Variants in POLR2F observed in about 807,000 individuals in gnomAD.
POLR2F encodes the protein RNA polymerase II, I and III subunit F, also known as DNA-directed RNA polymerases I, II, and III subunit RPABC2.
POLR2F carries 12 observed loss-of-function variants against 22.7 expected under a neutral mutation model. That is an observed-to-expected ratio of 0.53 (90% CI 0.34 to 0.86). The LOEUF is 0.86. Among genes scored for constraint, POLR2F ranks in the 40% least tolerant of loss-of-function variants. POLR2F has a pLI of 0.02. For synonymous variants in POLR2F, 57 were observed against 66.0 expected, an observed-to-expected ratio of 0.86 and a Z score of 0.66; for missense variants, 126 against 171.5, an observed-to-expected ratio of 0.73 and a Z score of 1.48.
At chr22:37,960,830 G>A (rs1364412702) in intron 3 of POLR2F, among the ~76,000 whole-genome samples, 2 of 149,716 alleles carry the variant, frequency 1.3e-5, no homozygotes, top group Non-Finnish European at 3.0e-5. Flanking sequence ...ACCGTGCCCG[G>A]CCGGTGCAAT....
chr22:37,977,034 G>A (rs754968603), intron 4 of POLR2F, among the ~76,000 whole-genome samples: 2 of 151,650 alleles, frequency 1.3e-5, no homozygotes, highest in African/African-American at 4.8e-5. Flanking sequence ...CAGACGTGGC[G>A]GTGTGCACCT....
intron 5 of POLR2F, among the ~76,000 whole-genome samples, chr22:38,038,591 A>T (rs1405225542): frequency 6.6e-6 from 1 of 151,768 alleles, no homozygotes; most frequent in African/African-American, 2.4e-5. Flanking sequence ...CATGGGGTTA[A>T]ATCTCTCCCT....
chr22:38,002,961 G>A (rs1043903682), intron 1 of POLR2F, among the ~76,000 whole-genome samples: 3 of 152,012 alleles, frequency 2.0e-5, no homozygotes, highest in Non-Finnish European at 2.9e-5. Flanking sequence ...TCCTGACCTC[G>A]TGATCTGCTT....
chr22:38,039,289 T>C (rs973760785), intron 5 of POLR2F, among the ~76,000 whole-genome samples: 1 of 152,068 alleles, frequency 6.6e-6, no homozygotes, highest in African/African-American at 2.4e-5. Context: ...TTGTCCTAGA[T>C]AGGAATGTCA....
intron 5 of POLR2F, among the ~76,000 whole-genome samples, chr22:38,034,809 G>T (rs944517270): frequency 3.9e-5 from 6 of 152,204 alleles, no homozygotes; most frequent in African/African-American, 1.4e-4. Context: ...GTGGGGGCAG[G>T]GCTTGAGCAG....
In POLR2F at chr22:37,986,996, C is replaced by T. The variant is rs963248680; in HGVS notation, c.120+684C>T. On this transcript the variant is annotated intron_variant, in intron 1 of 2. Transcript: ENST00000333418. The surrounding 1 kb of genome is among the most constrained non-coding windows in gnomAD (Gnocchi z 4.7). ...CTCCTCCTTTCCCTGCTGGGGGTGGCAGGGGTCCCTTTACCCCCTCATTCT... is the reference window on the plus strand; with the variant it reads ...CTCCTCCTTTCCCTGCTGGGGGTGGTAGGGGTCCCTTTACCCCCTCATTCT... 3.1e-5 allele frequency: 14 copies of T among 454,018 alleles called. No individual in the cohort carries two copies. The highest frequency in any genetic ancestry group is 2.4e-4 in the African/African-American group (12 of 50,104). 28.1% of individuals were successfully genotyped at this position (454,018 alleles called of 1,614,324 possible). A position where few individuals can be genotyped will look rare whatever the true frequency, so the allele number is the denominator to read the frequency against.
intron 1 of POLR2F, among the ~76,000 whole-genome samples, chr22:37,955,538 C>CAAA (rs34340640): frequency 2.9e-4 from 39 of 133,316 alleles, no homozygotes; most frequent in Admixed American, 1.7e-3. Context: ...GACTTTGTCT[C>CAAA]AAAAAAAAAA....
At chr22:38,011,180 C>CA (rs1214002512) in intron 1 of POLR2F, among the ~76,000 whole-genome samples, 1 of 152,180 alleles carries the variant, frequency 6.6e-6, no homozygotes, top group African/African-American at 2.4e-5. Context: ...CAGCTCACTA[C>CA]AGCCTCCATC....
intron 1 of POLR2F, among the ~76,000 whole-genome samples, chr22:38,002,024 A>C (rs1659711671): frequency 6.6e-6 from 1 of 151,778 alleles, no homozygotes; most frequent in African/African-American, 2.4e-5. Flanking sequence ...AAATTTTTGT[A>C]TTTTTAGTAG....
rs186481639 is a variant in POLR2F, at chr22:38,010,680, G to A, written c.121-15189G>A. Among the ~76,000 whole-genome samples, 11 of 139,118 alleles carry A rather than the reference G, an allele frequency of 7.9e-5. No individual in the cohort carries two copies. The East Asian group carries it at 2.3e-3, about 29-fold the overall frequency. The allele number at this position is 139,118 out of a possible 152,430, so 91.3% of individuals were successfully genotyped here. A position where few individuals can be genotyped will look rare whatever the true frequency, so the allele number is the denominator to read the frequency against. On this transcript the variant is annotated intron_variant, in intron 1 of 2. Transcript: ENST00000333418. ...CACCCAGGCTGGAGTGCAGTGGCGC[G>A]ATCTCGGCTCACTGCAACCTCCGCC...
At chr22:37,977,405 C>T (rs2145767108) in intron 4 of POLR2F, among the ~76,000 whole-genome samples, 1 of 151,768 alleles carries the variant, frequency 6.6e-6, no homozygotes, top group East Asian at 2.0e-4. Flanking sequence ...ACTGCAAGCT[C>T]CGCCTCCTGG....
intron 1 of POLR2F, among the ~76,000 whole-genome samples, chr22:38,001,696 C>T (rs970633847): frequency 6.6e-6 from 1 of 151,120 alleles, no homozygotes; most frequent in African/African-American, 2.4e-5. Flanking sequence ...CTATGCCTGA[C>T]TAATTTTTGT....
At chr22:37,983,204 G>C, upstream of POLR2F, 1 of 918,096 alleles carries the variant, frequency 1.1e-6, no homozygotes, top group Non-Finnish European at 1.7e-6. The surrounding 1 kb of genome is among the most constrained non-coding windows in gnomAD (Gnocchi z 9.5). Context: ...TGATGGAAGG[G>C]CGGGCGCGGC....
chr22:38,020,266 T>A (rs1021139889), intron 1 of POLR2F, among the ~76,000 whole-genome samples: 2 of 151,122 alleles, frequency 1.3e-5, no homozygotes, highest in Non-Finnish European at 2.9e-5. Context: ...TATATACATA[T>A]TTAAAAAAAA....
chr22:37,971,340 C>T (rs544116515), downstream of POLR2F: 94 of 470,370 alleles, frequency 2.0e-4, no homozygotes, highest in African/African-American at 1.8e-3. Context: ...CCTTCACTGG[C>T]CTGAATGACA....
chr22:38,022,415 G>T (rs1301421754), intron 1 of POLR2F, among the ~76,000 whole-genome samples: 1 of 151,674 alleles, frequency 6.6e-6, no homozygotes, highest in African/African-American at 2.4e-5. Flanking sequence ...GCTGGGTGTG[G>T]TGCCACATGC....
In POLR2F at chr22:38,007,244, C is replaced by A. The variant is rs2084829630; in HGVS notation, c.121-18625C>A. Reference sequence around the variant, plus strand: ...GCCCCCAGCCCCTTCTTCACTAGGTCTCCTGATAGCAGCCACCCAGGACTG... The same window carrying A: ...GCCCCCAGCCCCTTCTTCACTAGGTATCCTGATAGCAGCCACCCAGGACTG... On this transcript the variant is annotated intron_variant, in intron 1 of 2. Transcript: ENST00000333418. Among the ~76,000 whole-genome samples the A allele has an allele frequency of 3.3e-5, 5 of 152,242 alleles. No homozygotes were observed. The Middle Eastern group carries it at 0.014, about 414-fold the overall frequency.
chr22:37,989,042 A>G (rs1569173781), intron 1 of POLR2F, among the ~76,000 whole-genome samples: 1 of 151,960 alleles, frequency 6.6e-6, no homozygotes, highest in Non-Finnish European at 1.5e-5. Flanking sequence ...TGGCTGTGGG[A>G]GCTCCCCTGA....
intron 1 of POLR2F, among the ~76,000 whole-genome samples, chr22:37,996,218 C>G (rs2145793769): frequency 6.6e-6 from 1 of 152,312 alleles, no homozygotes; most frequent in Middle Eastern, 3.4e-3. Context: ...CACCCCTTCC[C>G]CCAGCAGGCA....
Sources: allele counts gnomAD v4.1 joint callset (sites outside exome capture counted in the v4.1 genomes callset), GRCh38; gene constraint gnomAD v4.1.1; non-coding constraint Gnocchi (gnomAD v3.1); transcripts MANE v1.5; gene names NCBI Gene and HGNC (gene_info 2026-07-23, HGNC 2026-07-21).